ESRRG: variants seen among roughly 807,000 people sequenced by gnomAD.
ESRRG encodes estrogen-related receptor gamma.
Under a neutral mutation model 44.0 loss-of-function variants are expected in ESRRG, and 13 were observed. That is an observed-to-expected ratio of 0.30 (90% CI 0.19 to 0.47). The LOEUF (loss-of-function observed/expected upper bound fraction) is 0.47. Among genes scored for constraint, ESRRG ranks in the 20% least tolerant of loss-of-function variants. The probability of loss-of-function intolerance (pLI) is 1.00; values close to 1 mark genes in which losing one functional copy is unlikely to be tolerated. For missense variants in ESRRG, 395 were observed against 580.6 expected (o/e 0.68, Z 3.29); for synonymous variants, 215 against 214.6 (o/e 1.00, Z -0.02).
intron 3 of ESRRG, among the ~76,000 whole-genome samples, chr1:216,639,781 C>T (rs1054188300): frequency 1.3e-5 from 2 of 152,074 alleles, no homozygotes; most frequent in African/African-American, 2.4e-5. Flanking sequence ...TTTTGAGAAA[C>T]AGGTTAACCA....
At chr1:217,093,862 A>T (rs904961356), upstream of ESRRG, among the ~76,000 whole-genome samples, 1 of 150,746 alleles carries the variant, frequency 6.6e-6, no homozygotes, top group African/African-American at 2.4e-5. Flanking sequence ...AAAATTATTT[A>T]TTATTATATT....
chr1:216,576,209 C>T (rs915809659), intron 3 of ESRRG, among the ~76,000 whole-genome samples: 4 of 151,956 alleles, frequency 2.6e-5, no homozygotes, highest in African/African-American at 9.7e-5. Context: ...TTTACTTGTG[C>T]TGGAATATCA....
At chr1:216,640,106 G>A (rs1278476010) in intron 3 of ESRRG, among the ~76,000 whole-genome samples, 1 of 152,164 alleles carries the variant, frequency 6.6e-6, no homozygotes, top group African/African-American at 2.4e-5. Context: ...ACTGTGCTGG[G>A]GCTGTGCAGT....
Position 216,632,403 on chromosome 1 carries a change from C to T in ESRRG, c.589+18570G>A, listed in dbSNP as rs142257720. Among the ~76,000 whole-genome samples, 159 of 152,284 alleles carry T rather than the reference C, an allele frequency of 1.0e-3. 1 individual carries two copies. The highest frequency in any genetic ancestry group is 3.6e-3 in the African/African-American group (151 of 41,580). On this transcript the variant is annotated intron_variant, in intron 3 of 6. Coordinates refer to ENST00000408911, the MANE Select transcript of ESRRG (RefSeq NM_001438.4). ...CTTCCAATTTCAAGTAAAATAAACACAATCCTAGTTATATCTCATTTGAGT... is the reference window on the plus strand; with the variant it reads ...CTTCCAATTTCAAGTAAAATAAACATAATCCTAGTTATATCTCATTTGAGT...
intron 3 of ESRRG, among the ~76,000 whole-genome samples, chr1:216,626,018 T>C (rs1279522399): frequency 6.6e-6 from 1 of 152,170 alleles, no homozygotes. Flanking sequence ...TTGTTCATTC[T>C]CATTACTTCT....
chr1:217,114,866 T>C (rs1558277275), intron 1 of ESRRG, among the ~76,000 whole-genome samples: 1 of 152,020 alleles, frequency 6.6e-6, no homozygotes, highest in Non-Finnish European at 1.5e-5. Context: ...GGTTTCACCA[T>C]GTCGACCAGG....
intron 3 of ESRRG, among the ~76,000 whole-genome samples, chr1:216,600,905 C>T (rs1351084478): frequency 6.6e-6 from 1 of 152,116 alleles, no homozygotes; most frequent in African/African-American, 2.4e-5. Flanking sequence ...TCCTGTTTCC[C>T]GGACACATTT....
chr1:216,910,404 G>A (rs1056702974), intron 2 of ESRRG, among the ~76,000 whole-genome samples: 3 of 152,030 alleles, frequency 2.0e-5, no homozygotes, highest in Admixed American at 6.6e-5. Context: ...ACTATACGCC[G>A]CTAATTGAAA....
At chr1:216,791,683 A>AT (rs1173632780) in intron 2 of ESRRG, among the ~76,000 whole-genome samples, 4 of 152,136 alleles carry the variant, frequency 2.6e-5, no homozygotes, top group African/African-American at 9.7e-5. Context: ...AAGTAAGAAC[A>AT]TTTTTTATTA....
chr1:216,768,426 A>T (rs1402671660), intron 2 of ESRRG, among the ~76,000 whole-genome samples: 1 of 145,204 alleles, frequency 6.9e-6, no homozygotes, highest in Admixed American at 6.8e-5. Flanking sequence ...TGAGGTAAAT[A>T]GATATAGATA....
At chr1:216,673,203 C>CCA (rs2075516661) in intron 2 of ESRRG, among the ~76,000 whole-genome samples, 1 of 152,160 alleles carries the variant, frequency 6.6e-6, no homozygotes, top group Non-Finnish European at 1.5e-5. Context: ...AGAGTCTGGG[C>CCA]CACACTCAAC....
chr1:216,534,701 GC>G (rs1305174150), intron 5 of ESRRG, among the ~76,000 whole-genome samples: 11 of 152,110 alleles, frequency 7.2e-5, no homozygotes, highest in Non-Finnish European at 1.5e-5. Flanking sequence ...GGTGAATTAA[GC>G]ATTTCCATAA....
chr1:216,920,171 C>G (rs1485240152), intron 2 of ESRRG, among the ~76,000 whole-genome samples: 2 of 152,098 alleles, frequency 1.3e-5, no homozygotes, highest in East Asian at 3.9e-4. Flanking sequence ...GCTCGCACTA[C>G]AAAAAGTGTT....
At chr1:216,969,242 A>G (rs2071120068) in intron 1 of ESRRG, among the ~76,000 whole-genome samples, 1 of 152,192 alleles carries the variant, frequency 6.6e-6, no homozygotes, top group East Asian at 1.9e-4. Context: ...CAGTGAGGAG[A>G]ATAAATGTAA....
chr1:216,942,133 T>G lies in ESRRG; in HGVS notation c.-105-2460A>C, dbSNP rs1175533935. 2.0e-5 allele frequency among the ~76,000 whole-genome samples: 3 copies of G among 152,228 alleles called. No homozygotes were observed. In the East Asian group the frequency reaches 5.8e-4, roughly 29 times the overall value. On this transcript the variant is annotated intron_variant, in intron 1 of 7. Coordinates refer to the ESRRG transcript ENST00000359162. The stretch of plus-strand genomic sequence containing the variant: ...ATCTTTGTCTGTTTCTATCCAATGT[T>G]TAGCTCTCAATTGTAAGTAAGAACA...
intron 1 of ESRRG, among the ~76,000 whole-genome samples, chr1:217,115,285 C>T (rs1270765367): frequency 2.0e-5 from 3 of 152,168 alleles, no homozygotes; most frequent in South Asian, 2.1e-4. Flanking sequence ...CAACAGAGGA[C>T]ATGCCATGTG....
intron 1 of ESRRG, among the ~76,000 whole-genome samples, chr1:217,043,989 A>G (rs1355630807): frequency 2.0e-5 from 3 of 152,128 alleles, no homozygotes; most frequent in African/African-American, 7.2e-5. Flanking sequence ...AAAGAAACCG[A>G]TAGGAATAAT....
At position 216,677,213 on chromosome 1, in the gene ESRRG, G is replaced by A. The variant is rs1162572337; in HGVS notation, c.335C>T (p.Pro112Leu). 1 of 1,614,130 alleles carries A rather than the reference G, an allele frequency of 6.2e-7. No individual in the cohort carries two copies. The highest frequency in any genetic ancestry group is 1.3e-5 in the African/African-American group (1 of 75,022). ...GAGCATGTATTCACACTTGGTCTGG[G>A]GATCTTCAACAATGGTGCTGGAGCA... ...DDCSSTIVED[P>L]QTKCEYMLNS... Residue 112 changes from proline to leucine, a missense_variant, in exon 2 of 7, where the codon CCC becomes CTC. Coordinates refer to ENST00000408911, the MANE Select transcript of ESRRG (RefSeq NM_001438.4).
At chr1:216,611,827 A>T (rs1213135023) in intron 3 of ESRRG, among the ~76,000 whole-genome samples, 1 of 152,224 alleles carries the variant, frequency 6.6e-6, no homozygotes, top group Non-Finnish European at 1.5e-5. Flanking sequence ...ACAAAATAGA[A>T]GTGCTTTCTT....
Sources: gnomAD v4.1 joint callset for allele counts (sites outside exome capture counted in the v4.1 genomes callset) on GRCh38, gnomAD v4.1.1 for gene constraint, MANE v1.5 for transcripts, NCBI Gene and HGNC (gene_info 2026-07-23, HGNC 2026-07-21) for gene names.